Variants in WTIP observed in about 807,000 individuals in gnomAD.
WTIP encodes Wilms tumor protein 1-interacting protein.
Under a neutral mutation model 41.7 loss-of-function variants are expected in WTIP, and 23 were observed. That is an observed-to-expected ratio of 0.55 (90% CI 0.40 to 0.78). The LOEUF is 0.78. Among genes scored for constraint, WTIP ranks in the 30% least tolerant of loss-of-function variants. The probability of loss-of-function intolerance (pLI) is 0.00; values close to 1 mark genes in which losing one functional copy is unlikely to be tolerated. For synonymous variants in WTIP, 314 were observed against 269.9 expected, an observed-to-expected ratio of 1.16 and a Z score of -1.60; for missense variants, 619 against 610.5, an observed-to-expected ratio of 1.01 and a Z score of -0.15.
chr19:34,497,016 C>T (rs571908581), intron 7 of WTIP, among the ~76,000 whole-genome samples: 6 of 152,296 alleles, frequency 3.9e-5, no homozygotes, highest in East Asian at 1.9e-4. Context: ...GCACCCACCA[C>T]CACACCCGGC....
intron 2 of WTIP, among the ~76,000 whole-genome samples, chr19:34,490,820 C>G (rs56154731): frequency 1.3e-4 from 20 of 151,988 alleles, no homozygotes; most frequent in Non-Finnish European, 2.8e-4. Context: ...TTCCTGCTAT[C>G]TATTTTTGTT....
chr19:34,484,244 G>C (rs748748127), intron 1 of WTIP, among the ~76,000 whole-genome samples: 1 of 152,154 alleles, frequency 6.6e-6, no homozygotes, highest in Non-Finnish European at 1.5e-5. Flanking sequence ...ATCTTGAGGG[G>C]TGAGGAGTCT....
chr19:34,495,807 C>CA lies in WTIP; in HGVS notation c.1152+37dup, dbSNP rs532775078. ...GCCCACAGGAGGCTGGCAGCTGGGG[C>CA]AGGCCTCCTCCCACAGGGCTCTCCT... On this transcript the variant is annotated intron_variant, in intron 7 of 7. Coordinates refer to ENST00000590071, the MANE Select transcript of WTIP (RefSeq NM_001080436.2). The CA allele has an allele frequency of 3.1e-6, 5 of 1,605,950 alleles. No homozygotes were observed. The South Asian group carries it at 5.5e-5, about 18-fold the overall frequency.
At chr19:34,490,799 A>G (rs573797410) in intron 2 of WTIP, among the ~76,000 whole-genome samples, 1 of 152,074 alleles carries the variant, frequency 6.6e-6, no homozygotes, top group Non-Finnish European at 1.5e-5. Context: ...ACATACGACT[A>G]ATATTTCTTT....
chr19:34,497,228 G>T (rs1467599051), intron 7 of WTIP, among the ~76,000 whole-genome samples: 3 of 152,126 alleles, frequency 2.0e-5, no homozygotes, highest in Admixed American at 6.5e-5. Flanking sequence ...TCAACTCAAG[G>T]AGACCACGGG....
Position 34,482,506 on chromosome 19 carries a change from G to T in WTIP, c.532G>T (p.Ala178Ser), listed in dbSNP as rs1210406481. Residue 178 changes from alanine to serine, a missense_variant, in exon 1 of 8, where the codon GCT becomes TCT. This residue lies in a region of WTIP where 363 missense variants were observed against 309.0 expected (regional missense o/e 1.17). Coordinates refer to ENST00000590071, the MANE Select transcript of WTIP (RefSeq NM_001080436.2). ...PARSPEPAGP[A>S]PFPLPALPLP... ...TCGCTCCCCGGAGCCTGCGGGGCCG[G>T]CTCCCTTCCCGCTGCCTGCACTCCC... 1 of 1,234,848 alleles carries T rather than the reference G, an allele frequency of 8.1e-7. No homozygotes were observed. Among genetic ancestry groups the T allele is most frequent in the East Asian group, 3.3e-5 (1 of 30,198 alleles). 76.5% of individuals were successfully genotyped at this position (1,234,848 alleles called of 1,614,324 possible). A position where few individuals can be genotyped will look rare whatever the true frequency, so the allele number is the denominator to read the frequency against.
At position 34,500,321 on chromosome 19, in the gene WTIP, G is replaced by A. The variant is rs757484618; in HGVS notation, c.*52G>A. The A allele has an allele frequency of 2.7e-6, 4 of 1,502,504 alleles. No individual in the cohort carries two copies. Among genetic ancestry groups the A allele is most frequent in the East Asian group, 2.4e-5 (1 of 41,464 alleles). 93.1% of individuals were successfully genotyped at this position (1,502,504 alleles called of 1,614,324 possible). A position where few individuals can be genotyped will look rare whatever the true frequency, so the allele number is the denominator to read the frequency against. ...GGGTGGGTGTGGGTGTGGAGGGAGG[G>A]CCCGCGTGGGTGGCCCTGGTCAGCG... is the stretch of plus-strand genomic sequence containing the variant. On this transcript the variant is annotated 3_prime_UTR_variant, in exon 8 of 8. Transcript: ENST00000590071.
At chr19:34,489,246 C>A (rs533322463) in intron 1 of WTIP, among the ~76,000 whole-genome samples, 1 of 147,848 alleles carries the variant, frequency 6.8e-6, no homozygotes, top group Admixed American at 6.8e-5. Flanking sequence ...CCGTAGCACT[C>A]GTCTCTGCCT....
rs1448676173 is a variant in WTIP, at chr19:34,506,593, C to G, written c.*6324C>G. The G allele has an allele frequency of 6.6e-6, 1 of 151,878 alleles. No homozygotes were observed. Among genetic ancestry groups the G allele is most frequent in the African/African-American group, 2.4e-5 (1 of 41,342 alleles). The allele number at this position is 151,878 out of a possible 1,614,324, so 9.4% of individuals were successfully genotyped here. A position where few individuals can be genotyped will look rare whatever the true frequency, so the allele number is the denominator to read the frequency against. ...CCAACATGGCGAAACCCCGTCTCTA[C>G]TAAAATTACAAAAACTAGCCAGGTG... On this transcript the variant is annotated 3_prime_UTR_variant, in exon 8 of 8. Coordinates refer to ENST00000590071, the MANE Select transcript of WTIP (RefSeq NM_001080436.2).
intron 1 of WTIP, among the ~76,000 whole-genome samples, chr19:34,487,421 A>T (rs942398858): frequency 6.6e-6 from 1 of 152,196 alleles, no homozygotes; most frequent in African/African-American, 2.4e-5. Flanking sequence ...TTCTGAAGGC[A>T]TCTGAACTGG....
chr19:34,495,810 G>A, intron 7 of WTIP, 39 bp downstream of exon 7: 1 of 1,604,070 alleles, frequency 6.2e-7, no homozygotes, highest in Non-Finnish European at 8.5e-7. Context: ...GCTGGGGCAG[G>A]CCTCCTCCCA....
At position 34,507,353 on chromosome 19, in the gene WTIP, C is replaced by T. The variant is rs538788099; in HGVS notation, c.*7084C>T. The T allele has an allele frequency of 4.3e-5, 6 of 140,716 alleles. No homozygotes were observed. The South Asian group carries it at 6.9e-4, about 16-fold the overall frequency. 8.7% of individuals were successfully genotyped at this position (140,716 alleles called of 1,614,324 possible). Reference sequence around the variant, plus strand: ...GAATATCAGAACAGGATTCTTATAACAAAAGCAGTTGTCTTAAGATGAATG... The same window carrying T: ...GAATATCAGAACAGGATTCTTATAATAAAAGCAGTTGTCTTAAGATGAATG... On this transcript the variant is annotated 3_prime_UTR_variant, in exon 8 of 8. Transcript: ENST00000590071.
Position 34,502,824 on chromosome 19 carries a change from G to T in WTIP, c.*2555G>T, listed in dbSNP as rs1165471886. On this transcript the variant is annotated 3_prime_UTR_variant, in exon 8 of 8. Coordinates refer to ENST00000590071, the MANE Select transcript of WTIP (RefSeq NM_001080436.2). The stretch of plus-strand genomic sequence containing the variant: ...CCACCTTGGCCTCCCAGAGTGTTGG[G>T]ATTACAGGCTTGAGCCACCGTGCCT... 2 of 152,268 alleles carry T rather than the reference G, an allele frequency of 1.3e-5. No individual in the cohort carries two copies. The highest frequency in any genetic ancestry group is 2.9e-5 in the Non-Finnish European group (2 of 68,132). The allele number at this position is 152,268 out of a possible 1,614,324, so 9.4% of individuals were successfully genotyped here. A position where few individuals can be genotyped will look rare whatever the true frequency, so the allele number is the denominator to read the frequency against.
rs1367187395 is a variant in WTIP, at chr19:34,482,299, G to A, written c.325G>A (p.Gly109Ser). Residue 109 changes from glycine to serine, a missense_variant, in exon 1 of 8, where the codon GGC (glycine) becomes AGC (serine). Around this residue, in one of 3 missense-constraint regions of WTIP, gnomAD observed 363 missense variants for 309.0 expected, o/e 1.17. Coordinates refer to ENST00000590071, the MANE Select transcript of WTIP (RefSeq NM_001080436.2). ...GGGGGSARSS[G>S]ISLGYDQRHG... ...CGGTGGCGGCAGCGCCCGATCCAGC[G>A]GCATCAGCCTGGGCTACGACCAGCG... is the stretch of plus-strand genomic sequence containing the variant. 1.5e-6 allele frequency: 2 copies of A among 1,362,236 alleles called. No homozygotes were observed. Among genetic ancestry groups the A allele is most frequent in the African/African-American group, 1.5e-5 (1 of 65,164 alleles). The allele number at this position is 1,362,236 out of a possible 1,614,324, so 84.4% of individuals were successfully genotyped here. A position where few individuals can be genotyped will look rare whatever the true frequency, so the allele number is the denominator to read the frequency against.
At chr19:34,492,922 A>G in intron 2 of WTIP, 115 bp from the exon 3 acceptor site, 1 of 977,160 alleles carries the variant, frequency 1.0e-6, no homozygotes. Flanking sequence ...AAATTTAGAA[A>G]ACCACCCATA....
intron 7 of WTIP, among the ~76,000 whole-genome samples, chr19:34,498,838 T>G (rs2075869470): frequency 6.6e-6 from 1 of 151,854 alleles, no homozygotes; most frequent in Admixed American, 6.6e-5. Flanking sequence ...AGGCGGAGCT[T>G]GCAGTGAGCT....
rs981108950 is a variant in WTIP, at chr19:34,493,001, C to T, written c.770-36C>T. ...GCACGGCTCCATCCCTGGTCCCCAG[C>T]GTTCCAGGGACCCCTCTCAACCCTC... is the stretch of plus-strand genomic sequence containing the variant. On this transcript the variant is annotated intron_variant, in intron 2 of 7. Transcript: ENST00000590071. The surrounding 1 kb of genome is among the most constrained non-coding windows in gnomAD (Gnocchi z 4.1). 3 of 1,604,696 alleles carry T rather than the reference C, an allele frequency of 1.9e-6. No homozygotes were observed. Among genetic ancestry groups the T allele is most frequent in the African/African-American group, 2.7e-5 (2 of 74,888 alleles).
rs1302751297 is a variant in WTIP, at chr19:34,510,297, C to G, written c.*10028C>G. On this transcript the variant is annotated 3_prime_UTR_variant, in exon 8 of 8. Coordinates refer to ENST00000590071, the MANE Select transcript of WTIP (RefSeq NM_001080436.2). ...GTTCCCAAACCTCAATTCTTGACTT[C>G]TGTACACCCGCAGGCTCAACACCAC... is the stretch of plus-strand genomic sequence containing the variant. 1 of 152,218 alleles carries G rather than the reference C, an allele frequency of 6.6e-6. No homozygotes were observed. Among genetic ancestry groups the G allele is most frequent in the African/African-American group, 2.4e-5 (1 of 41,454 alleles). 9.4% of individuals were successfully genotyped at this position (152,218 alleles called of 1,614,324 possible).
Position 34,493,751 on chromosome 19 carries a change from A to T in WTIP, c.1031+129A>T. 9.8e-6 allele frequency: 13 copies of T among 1,322,366 alleles called. No individual in the cohort carries two copies. Among genetic ancestry groups the T allele is most frequent in the African/African-American group, 1.4e-5 (1 of 69,014 alleles). 81.9% of individuals were successfully genotyped at this position (1,322,366 alleles called of 1,614,324 possible). On this transcript the variant is annotated intron_variant, in intron 5 of 7. Transcript: ENST00000590071. This position sits in a 1 kb window ranked among gnomAD's most constrained non-coding sequence, Gnocchi z 4.1. ...TTTTGCCTTCCGCCTCCCCTTGTAC[A>T]CCTGGGCTTGGGGCAGGCATGTGTC...
Sources: gnomAD v4.1 joint callset for allele counts (sites outside exome capture counted in the v4.1 genomes callset) on GRCh38, gnomAD v4.1.1 for gene constraint, gnomAD v4.1.1 regional missense constraint, Gnocchi (gnomAD v3.1) non-coding constraint, MANE v1.5 for transcripts, NCBI Gene and HGNC (gene_info 2026-07-23, HGNC 2026-07-21) for gene names.